The following LOC128706666 variants were observed in gnomAD, a reference collection of about 807,000 sequenced individuals.
chr20:10,426,158 T>C, the LOC128706666 span, among the ~76,000 whole-genome samples: 1 of 152,218 alleles, frequency 6.6e-6, no homozygotes, highest in Non-Finnish European at 1.5e-5. Context: ...TGAAGAAACA[T>C]TAAATGATTG....
At chr20:10,417,013 T>C in the LOC128706666 span, among the ~76,000 whole-genome samples, 1 of 152,114 alleles carries the variant, frequency 6.6e-6, no homozygotes, top group African/African-American at 2.4e-5. Flanking sequence ...GTTACAGCAA[T>C]GATAATGAAT....
the LOC128706666 span, among the ~76,000 whole-genome samples, chr20:10,424,705 C>T: frequency 6.6e-6 from 1 of 152,084 alleles, no homozygotes; most frequent in Admixed American, 6.6e-5. Context: ...TTTGGGGATA[C>T]AATTTAAATT....
chr20:10,421,614 T>C, the LOC128706666 span, among the ~76,000 whole-genome samples: 1 of 151,998 alleles, frequency 6.6e-6, no homozygotes, highest in South Asian at 2.1e-4. Flanking sequence ...CAAATCAGAA[T>C]GAATGTAATG....
chr20:10,433,242 T>C, the LOC128706666 span, among the ~76,000 whole-genome samples: 10 of 152,214 alleles, frequency 6.6e-5, no homozygotes, highest in East Asian at 1.2e-3. Flanking sequence ...CTGACTCAAG[T>C]GATCCGCCCG....
the LOC128706666 span, among the ~76,000 whole-genome samples, chr20:10,415,422 C>T: frequency 6.6e-6 from 1 of 152,120 alleles, no homozygotes; most frequent in Admixed American, 6.6e-5. Context: ...TTTTGGTTAC[C>T]ATTCCCAATT....
the LOC128706666 span, among the ~76,000 whole-genome samples, chr20:10,431,434 T>C: frequency 6.6e-6 from 1 of 151,740 alleles, no homozygotes; most frequent in Non-Finnish European, 1.5e-5. Flanking sequence ...CCAAGAAGAG[T>C]AAGGCATGAT....
chr20:10,418,979 G>A, the LOC128706666 span, among the ~76,000 whole-genome samples: 1 of 152,058 alleles, frequency 6.6e-6, no homozygotes, highest in South Asian at 2.1e-4. Flanking sequence ...GTTACTACCT[G>A]GCTTTTATAT....
the LOC128706666 span, among the ~76,000 whole-genome samples, chr20:10,426,744 A>T: frequency 6.6e-6 from 1 of 152,222 alleles, no homozygotes; most frequent in Non-Finnish European, 1.5e-5. Context: ...AAAGGTTAAC[A>T]GCTGTCATTT....
At chr20:10,423,093 T>C in the LOC128706666 span, among the ~76,000 whole-genome samples, 2 of 152,084 alleles carry the variant, frequency 1.3e-5, no homozygotes, top group Admixed American at 6.5e-5. Flanking sequence ...TCAACATTTG[T>C]CAGCTTTTTT....
At chr20:10,432,785 T>C in the LOC128706666 span, among the ~76,000 whole-genome samples, 1 of 55,744 alleles carries the variant, frequency 1.8e-5, no homozygotes, top group Admixed American at 1.8e-4. Context: ...GCGAGACTCT[T>C]TGTCAAAAAA....
chr20:10,416,314 T>C, the LOC128706666 span, among the ~76,000 whole-genome samples: 21 of 151,890 alleles, frequency 1.4e-4, no homozygotes, highest in Admixed American at 1.4e-3. Context: ...GCAAAAAGAA[T>C]GATTATAGGT....
chr20:10,426,398 C>T, the LOC128706666 span, among the ~76,000 whole-genome samples: 2 of 150,694 alleles, frequency 1.3e-5, no homozygotes, highest in Non-Finnish European at 2.9e-5. Flanking sequence ...GGCATCATGC[C>T]TGGCATGTTG....
the LOC128706666 span, among the ~76,000 whole-genome samples, chr20:10,416,300 T>C: frequency 6.6e-6 from 1 of 152,266 alleles, no homozygotes; most frequent in East Asian, 1.9e-4. Flanking sequence ...AATGGAGTTC[T>C]TTGGCAAAAA....
chr20:10,417,689 A>G, the LOC128706666 span, among the ~76,000 whole-genome samples: 1 of 151,994 alleles, frequency 6.6e-6, no homozygotes, highest in African/African-American at 2.4e-5. Flanking sequence ...AAAAATCAAC[A>G]TCATCATCAA....
chr20:10,431,175 C>A, the LOC128706666 span, among the ~76,000 whole-genome samples: 27 of 152,128 alleles, frequency 1.8e-4, no homozygotes, highest in South Asian at 5.6e-3. Context: ...AAAATAGGCA[C>A]CCCTGGAGGT....
At chr20:10,428,839 G>A in the LOC128706666 span, among the ~76,000 whole-genome samples, 1 of 94,712 alleles carries the variant, frequency 1.1e-5, no homozygotes, top group Non-Finnish European at 2.4e-5. Flanking sequence ...GCAAGACTCC[G>A]TCTCAATAAA....
the LOC128706666 span, among the ~76,000 whole-genome samples, chr20:10,422,806 G>C: frequency 6.6e-6 from 1 of 151,526 alleles, no homozygotes; most frequent in East Asian, 1.9e-4. Flanking sequence ...CCGCCTCCCA[G>C]GTTCACGCCA....
the LOC128706666 span, among the ~76,000 whole-genome samples, chr20:10,429,977 A>C: frequency 2.6e-5 from 4 of 152,204 alleles, no homozygotes; most frequent in Non-Finnish European, 5.9e-5. Flanking sequence ...CCACTGTTCT[A>C]GTCTACATCC....
the LOC128706666 span, among the ~76,000 whole-genome samples, chr20:10,419,439 A>G: frequency 6.6e-6 from 1 of 152,198 alleles, no homozygotes; most frequent in Non-Finnish European, 1.5e-5. Flanking sequence ...AAATTTCTGC[A>G]GTGAAACTCA....
Sources: allele counts gnomAD v4.1 joint callset (sites outside exome capture counted in the v4.1 genomes callset), GRCh38; gene constraint gnomAD v4.1.1; transcripts MANE v1.5.